Variants in TYR observed in about 807,000 individuals in gnomAD.
TYR encodes the protein tyrosinase.
In TYR, 58 loss-of-function variants were observed where a neutral mutation model predicts 51.5. That is an observed-to-expected ratio of 1.13 (90% CI 0.91 to 1.40). The LOEUF is 1.40. TYR is among the 40% of genes most tolerant of loss of function. The pLI, the probability that TYR is intolerant of heterozygous loss-of-function variation, is 0.00. For synonymous variants in TYR, 263 were observed against 235.2 expected (o/e 1.12, Z -1.08); for missense variants, 732 against 647.4 (o/e 1.13, Z -1.42).
At chr11:89,255,293 G>T (rs1315145985) in intron 3 of TYR, among the ~76,000 whole-genome samples, 1 of 151,708 alleles carries the variant, frequency 6.6e-6, no homozygotes. Context: ...TTCTGTGGTT[G>T]TTGGGTTGAA....
chr11:89,231,166 G>A (rs1245238046), intron 3 of TYR, among the ~76,000 whole-genome samples: 7 of 97,720 alleles, frequency 7.2e-5, no homozygotes, highest in Non-Finnish European at 1.2e-4. Flanking sequence ...GTGAGACTTC[G>A]TCTCAAAAAA....
chr11:89,280,013 T>C (rs1394777221), intron 3 of TYR, among the ~76,000 whole-genome samples: 1 of 151,736 alleles, frequency 6.6e-6, no homozygotes, highest in Non-Finnish European at 1.5e-5. Flanking sequence ...ATTTATTTTA[T>C]ACAACTTTAT....
Position 89,178,495 on chromosome 11 carries a change from A to T in TYR, c.542A>T (p.Tyr181Phe). The T allele has an allele frequency of 1.2e-6, 2 of 1,614,126 alleles. No homozygotes were observed. The highest frequency in any genetic ancestry group is 1.7e-6 in the Non-Finnish European group (2 of 1,180,010). The part of the protein sequence containing the change: ...NIYDLFVWMH[Y>F]YVSMDALLGG... Reference sequence around the variant, plus strand: ...TATGACCTCTTTGTCTGGATGCATTATTATGTGTCAATGGATGCACTGCTT... The same window carrying T: ...TATGACCTCTTTGTCTGGATGCATTTTTATGTGTCAATGGATGCACTGCTT... The change falls in exon 1 of 5, where the codon TAT becomes TTT. Residue 181 changes from tyrosine to phenylalanine, a missense_variant. Tyr to Phe is a conservative substitution (Grantham distance 22, BLOSUM62 3). Transcript: ENST00000263321.
chr11:89,267,302 A>G (rs1430899355), intron 3 of TYR, among the ~76,000 whole-genome samples: 1 of 151,998 alleles, frequency 6.6e-6, no homozygotes, highest in Non-Finnish European at 1.5e-5. Flanking sequence ...CTTACTTTAT[A>G]GCACTTGAAT....
At chr11:89,183,218 T>C (rs1464270503) in intron 1 of TYR, among the ~76,000 whole-genome samples, 2 of 152,110 alleles carry the variant, frequency 1.3e-5, no homozygotes, top group Non-Finnish European at 2.9e-5. Context: ...TCCTCATTAA[T>C]ATATCTATTT....
chr11:89,250,657 T>A (rs1697207741), intron 3 of TYR, among the ~76,000 whole-genome samples: 1 of 151,928 alleles, frequency 6.6e-6, no homozygotes, highest in African/African-American at 2.4e-5. Flanking sequence ...ATGGCCATCT[T>A]CTTGCTATGT....
chr11:89,183,126 A>G (rs1331717172), intron 1 of TYR, among the ~76,000 whole-genome samples: 1 of 152,090 alleles, frequency 6.6e-6, no homozygotes, highest in Non-Finnish European at 1.5e-5. Flanking sequence ...CTATAACAAA[A>G]TCTTTGCTCC....
intron 3 of TYR, among the ~76,000 whole-genome samples, chr11:89,258,089 C>T (rs1187914840): frequency 6.6e-6 from 1 of 151,964 alleles, no homozygotes; most frequent in Non-Finnish European, 1.5e-5. Flanking sequence ...TATTTTTATG[C>T]CTTTAAATTC....
intron 3 of TYR, among the ~76,000 whole-genome samples, chr11:89,229,559 CA>C (rs950548513): frequency 2.0e-4 from 26 of 128,250 alleles, no homozygotes; most frequent in South Asian, 4.8e-4. Flanking sequence ...AGCAATTAGG[CA>C]AAAAAAAAGA....
intron 3 of TYR, among the ~76,000 whole-genome samples, chr11:89,228,469 G>T (rs539523755): frequency 6.6e-6 from 1 of 152,262 alleles, no homozygotes; most frequent in African/African-American, 2.4e-5. Context: ...TAAGAGCAAA[G>T]AATGAAAAAG....
intron 3 of TYR, among the ~76,000 whole-genome samples, chr11:89,281,585 A>G (rs1022957932): frequency 6.6e-6 from 1 of 151,758 alleles, no homozygotes; most frequent in African/African-American, 2.4e-5. Context: ...GCCCCTGGTA[A>G]GCAGATCTCA....
intron 2 of TYR, among the ~76,000 whole-genome samples, chr11:89,217,529 A>G (rs1443218262): frequency 6.6e-6 from 1 of 152,196 alleles, no homozygotes; most frequent in Non-Finnish European, 1.5e-5. Flanking sequence ...CCTTCTGCCT[A>G]CATGTCATTG....
intron 2 of TYR, among the ~76,000 whole-genome samples, chr11:89,198,224 C>CA (rs1329283180): frequency 3.4e-5 from 5 of 147,920 alleles, no homozygotes; most frequent in African/African-American, 1.3e-4. Context: ...GCAACAACAA[C>CA]AACAAAAAAA....
chr11:89,220,049 T>C (rs566051330), intron 2 of TYR, among the ~76,000 whole-genome samples: 4 of 152,292 alleles, frequency 2.6e-5, no homozygotes, highest in African/African-American at 4.8e-5. Context: ...GCTTGGAAGT[T>C]TGGCAGATAA....
At chr11:89,276,436 A>T (rs2135318487) in intron 3 of TYR, among the ~76,000 whole-genome samples, 1 of 151,944 alleles carries the variant, frequency 6.6e-6, no homozygotes, top group South Asian at 2.1e-4. Flanking sequence ...AGAAAGAAGC[A>T]GAAGAACTGG....
intron 3 of TYR, among the ~76,000 whole-genome samples, chr11:89,259,182 C>T (rs1241959004): frequency 1.3e-5 from 2 of 151,982 alleles, no homozygotes; most frequent in Non-Finnish European, 2.9e-5. Flanking sequence ...ACCACAGATG[C>T]GCTAAAAATG....
rs566685472 is a variant in TYR, at chr11:89,277,563, C to T, written c.1185-7210C>T. On this transcript the variant is annotated intron_variant, in intron 3 of 4. Transcript: ENST00000263321. ...CTGAAATCCAGACCCAGATATCTAG[C>T]GAATGACCTGACATCCCCACTGAAA... Among the ~76,000 whole-genome samples the T allele has an allele frequency of 2.4e-4, 36 of 151,814 alleles. No individual in the cohort carries two copies. The South Asian group carries it at 3.1e-3, about 13-fold the overall frequency.
intron 3 of TYR, among the ~76,000 whole-genome samples, chr11:89,274,430 G>A (rs1180340470): frequency 4.0e-5 from 6 of 151,790 alleles, no homozygotes; most frequent in African/African-American, 1.5e-4. Flanking sequence ...TCTTTTCTAA[G>A]GAAATTAAAT....
intron 3 of TYR, among the ~76,000 whole-genome samples, chr11:89,238,378 C>CT (rs1368965959): frequency 2.0e-5 from 3 of 151,900 alleles, no homozygotes; most frequent in Non-Finnish European, 1.5e-5. Flanking sequence ...GTTTCCTTCA[C>CT]TTTTTTTGGA....
Sources: allele counts gnomAD v4.1 joint callset (sites outside exome capture counted in the v4.1 genomes callset), GRCh38; gene constraint gnomAD v4.1.1; transcripts MANE v1.5; gene names NCBI Gene and HGNC (gene_info 2026-07-23, HGNC 2026-07-21).